Variants in NPR3 observed in about 807,000 individuals in gnomAD.
NPR3 encodes atrial natriuretic peptide receptor 3.
Under a neutral mutation model 54.5 loss-of-function variants are expected in NPR3, and 34 were observed. That is an observed-to-expected ratio of 0.62 (90% CI 0.47 to 0.83). NPR3 has a LOEUF of 0.83. NPR3 is among the 40% of genes least tolerant of loss of function. The pLI is 0.00. For synonymous variants in NPR3, 289 were observed against 297.1 expected (o/e 0.97, Z 0.28); for missense variants, 674 against 720.8 (o/e 0.94, Z 0.74).
At chr5:32,771,267 C>A (rs1017511435) in intron 3 of NPR3, among the ~76,000 whole-genome samples, 7 of 152,144 alleles carry the variant, frequency 4.6e-5, no homozygotes, top group Non-Finnish European at 8.8e-5. Context: ...GCCAGCAAAC[C>A]TCAGCAGGGT....
intron 1 of NPR3, among the ~76,000 whole-genome samples, chr5:32,694,709 AT>A (rs1452637492): frequency 3.3e-5 from 5 of 152,322 alleles, no homozygotes; most frequent in Middle Eastern, 3.4e-3. Context: ...ACACAATCCA[AT>A]TATACTGTTT....
intron 1 of NPR3, chr5:32,716,570 C>A: frequency 2.7e-6 from 1 of 367,022 alleles, no homozygotes. Context: ...ATGGATTGCC[C>A]TATTTGAATA....
chr5:32,759,797 C>G (rs1417396440), intron 3 of NPR3, among the ~76,000 whole-genome samples: 2 of 152,106 alleles, frequency 1.3e-5, no homozygotes, highest in African/African-American at 2.4e-5. Context: ...GTAAGGCAGG[C>G]CTGGTGGTGA....
At chr5:32,713,256 C>A in intron 1 of NPR3, 1 of 985,442 alleles carries the variant, frequency 1.0e-6, no homozygotes, top group Non-Finnish European at 1.2e-6. Context: ...TGCGGGAGTG[C>A]CTTTTGAAGA....
At chr5:32,748,092 T>C (rs1293233028) in intron 3 of NPR3, among the ~76,000 whole-genome samples, 1 of 152,208 alleles carries the variant, frequency 6.6e-6, no homozygotes, top group Non-Finnish European at 1.5e-5. Flanking sequence ...GAAAACATTT[T>C]GTTTTAGTCT....
At chr5:32,773,690 C>T (rs1561127433) in intron 3 of NPR3, among the ~76,000 whole-genome samples, 1 of 152,180 alleles carries the variant, frequency 6.6e-6, no homozygotes, top group Non-Finnish European at 1.5e-5. Flanking sequence ...TTGACCACTC[C>T]CTTTTTGGTA....
intron 3 of NPR3, among the ~76,000 whole-genome samples, chr5:32,744,868 T>C (rs1740216181): frequency 6.6e-6 from 1 of 152,252 alleles, no homozygotes; most frequent in South Asian, 2.1e-4. Flanking sequence ...TCTCTTCTAC[T>C]GTAAACTCTA....
At chr5:32,760,186 G>A (rs190108286) in intron 3 of NPR3, among the ~76,000 whole-genome samples, 78 of 151,748 alleles carry the variant, frequency 5.1e-4, no homozygotes, top group East Asian at 3.7e-3. Flanking sequence ...TCTTGAATAC[G>A]TTTTTTTGCG....
intron 3 of NPR3, among the ~76,000 whole-genome samples, chr5:32,769,064 A>T (rs1741618098): frequency 6.6e-6 from 1 of 152,190 alleles, no homozygotes; most frequent in Non-Finnish European, 1.5e-5. Context: ...TGAGAATTCC[A>T]TGAAGACAGG....
intron 3 of NPR3, among the ~76,000 whole-genome samples, chr5:32,766,583 C>G (rs1191832974): frequency 6.6e-6 from 1 of 152,252 alleles, no homozygotes; most frequent in East Asian, 1.9e-4. Context: ...TGTAACATCT[C>G]TTTTTCCTAA....
In NPR3 at chr5:32,790,980, A is replaced by G. The variant is rs964452239; in HGVS notation, c.*4635A>G. Reference sequence around the variant, plus strand: ...TCTATGCACAAGGAATAAAGGGCCTACTTACCAAGTGTAAATCACAACATA... The same window carrying G: ...TCTATGCACAAGGAATAAAGGGCCTGCTTACCAAGTGTAAATCACAACATA... On this transcript the variant is annotated 3_prime_UTR_variant, in exon 8 of 8. Coordinates refer to ENST00000265074, the MANE Select transcript of NPR3 (RefSeq NM_001204375.2). 6.0e-6 allele frequency: 1 copy of G among 167,252 alleles called. No individual in the cohort carries two copies. The highest frequency in any genetic ancestry group is 2.1e-4 in the South Asian group (1 of 4,830). 10.4% of individuals were successfully genotyped at this position (167,252 alleles called of 1,614,324 possible).
chr5:32,690,982 G>A (rs1487568241), intron 1 of NPR3, among the ~76,000 whole-genome samples: 1 of 152,206 alleles, frequency 6.6e-6, no homozygotes, highest in Non-Finnish European at 1.5e-5. Context: ...ACTGCCAGAT[G>A]AGCAGATATT....
rs11744536 is a variant in NPR3 at position 32,749,825 on chromosome 5, C to T, written c.1059+10795C>T. On this transcript the variant is annotated intron_variant, in intron 3 of 7. Transcript: ENST00000265074. ...CAACATCTTCAGACAATAAAACTAA[C>T]GCCTTTTGCCTGGATGGGACGGGCA... Among the ~76,000 whole-genome samples, 239 of 152,320 alleles carry T rather than the reference C, an allele frequency of 1.6e-3. 2 individuals are homozygous for T. Among genetic ancestry groups the T allele is most frequent in the Non-Finnish European group, 2.7e-3 (182 of 68,036 alleles).
At chr5:32,706,581 C>T (rs1218250282), upstream of NPR3, among the ~76,000 whole-genome samples, 1 of 152,188 alleles carries the variant, frequency 6.6e-6, no homozygotes. Flanking sequence ...CAAAACTTTG[C>T]CTAGAAATGT....
At chr5:32,691,504 T>C (rs1369919362) in intron 1 of NPR3, among the ~76,000 whole-genome samples, 1 of 152,210 alleles carries the variant, frequency 6.6e-6, no homozygotes, top group African/African-American at 2.4e-5. Context: ...AGACAGACTC[T>C]GAAGTTAGGA....
chr5:32,780,907 C>A, intron 5 of NPR3, 91 bp downstream of exon 5: 1 of 652,466 alleles, frequency 1.5e-6, no homozygotes, highest in Non-Finnish European at 2.8e-6. Flanking sequence ...GAGCTGTCTC[C>A]AATGCAGCTT....
chr5:32,780,912 C>T (rs1742305676), intron 5 of NPR3, 96 bp downstream of exon 5: 2 of 643,068 alleles, frequency 3.1e-6, no homozygotes, highest in Non-Finnish European at 5.6e-6. Flanking sequence ...GTCTCCAATG[C>T]AGCTTCCAAA....
intron 1 of NPR3, among the ~76,000 whole-genome samples, chr5:32,691,573 C>T (rs763528607): frequency 2.0e-5 from 3 of 152,222 alleles, no homozygotes; most frequent in Admixed American, 6.5e-5. Flanking sequence ...ACCTGAAAGG[C>T]GTTAGAAACA....
At chr5:32,725,612 G>T (rs548564911) in intron 2 of NPR3, among the ~76,000 whole-genome samples, 1 of 152,274 alleles carries the variant, frequency 6.6e-6, no homozygotes, top group East Asian at 1.9e-4. Flanking sequence ...GATTTGGGCA[G>T]AATTTTTAAT....
Sources: gnomAD v4.1 joint callset for allele counts (sites outside exome capture counted in the v4.1 genomes callset) on GRCh38, gnomAD v4.1.1 for gene constraint, MANE v1.5 for transcripts, NCBI Gene and HGNC (gene_info 2026-07-23, HGNC 2026-07-21) for gene names.